FNDC1: variants seen among roughly 807,000 people sequenced by gnomAD.
FNDC1 encodes the protein fibronectin type III domain-containing protein 1.
A neutral mutation model predicts 168.0 loss-of-function variants in FNDC1; 96 were observed. That is an observed-to-expected ratio of 0.57 (90% CI 0.48 to 0.68). The LOEUF (loss-of-function observed/expected upper bound fraction) is 0.68. FNDC1 is among the 30% of genes least tolerant of loss of function. The probability of loss-of-function intolerance (pLI) is 0.00; values close to 1 mark genes in which losing one functional copy is unlikely to be tolerated. For synonymous variants in FNDC1, 1,099 were observed against 1,025.9 expected, an observed-to-expected ratio of 1.07 and a Z score of -1.36; for missense variants, 2,587 against 2,482.1, an observed-to-expected ratio of 1.04 and a Z score of -0.90.
chr6:159,190,191 G>T (rs899761795), intron 1 of FNDC1, among the ~76,000 whole-genome samples: 3 of 152,206 alleles, frequency 2.0e-5, no homozygotes, highest in Non-Finnish European at 4.4e-5. Context: ...TAGGTTGACC[G>T]TTGCACCCAG....
At chr6:159,172,733 T>C (rs895692023) in intron 1 of FNDC1, among the ~76,000 whole-genome samples, 1 of 152,230 alleles carries the variant, frequency 6.6e-6, no homozygotes, top group African/African-American at 2.4e-5. Flanking sequence ...CTTCATATGA[T>C]TTCAGATTCT....
intron 18 of FNDC1, among the ~76,000 whole-genome samples, chr6:159,260,907 A>T (rs559620747): frequency 6.6e-6 from 1 of 152,344 alleles, no homozygotes; most frequent in East Asian, 1.9e-4. Flanking sequence ...GACAGTCCTG[A>T]TGCAAAGGAA....
chr6:159,174,529 G>A (rs1214886035), intron 1 of FNDC1, among the ~76,000 whole-genome samples: 3 of 152,238 alleles, frequency 2.0e-5, no homozygotes, highest in African/African-American at 4.8e-5. Flanking sequence ...CTGTCGCTGC[G>A]GCTTTATAGA....
chr6:159,269,295 TCC>T (rs1562315852), intron 22 of FNDC1, among the ~76,000 whole-genome samples: 27 of 128,998 alleles, frequency 2.1e-4, no homozygotes, highest in Middle Eastern at 4.2e-3. Flanking sequence ...TATCTATCCA[TCC>T]ATCCATCTAT....
intron 18 of FNDC1, among the ~76,000 whole-genome samples, chr6:159,257,173 C>G (rs1777391779): frequency 6.6e-6 from 1 of 152,196 alleles, no homozygotes. Flanking sequence ...ATAGGCAAAA[C>G]TGGTTCCCAG....
chr6:159,171,730 G>T (rs897425087), intron 1 of FNDC1, among the ~76,000 whole-genome samples: 18 of 152,294 alleles, frequency 1.2e-4, no homozygotes, highest in African/African-American at 4.3e-4. Context: ...TTAAAATTAT[G>T]ATGGCCTTGC....
At chr6:159,269,579 CTGT>C (rs1366685454) in intron 22 of FNDC1, among the ~76,000 whole-genome samples, 2 of 108,570 alleles carry the variant, frequency 1.8e-5, no homozygotes, top group African/African-American at 7.9e-5. Context: ...TCTATCCTAT[CTGT>C]CTGTCTGTCT....
intron 1 of FNDC1, among the ~76,000 whole-genome samples, chr6:159,178,614 TTTGTCATTTTAAGAATGTCATATAAA>T (rs1781816604): frequency 6.6e-6 from 1 of 152,154 alleles, no homozygotes; most frequent in Admixed American, 6.5e-5. Flanking sequence ...ATTTTATAAT[TTTGTCATTTTAAGAATGTCATATAAA>T]TGCCGTTCTA....
chr6:159,234,170 G>A lies in FNDC1; in HGVS notation c.3658G>A (p.Ala1220Thr), dbSNP rs754939145. ...CGGCAAAGACGCCGATGGGAGCCTC[G>A]CCAAGGAAGAGAGGGAGCCTGCCAT... The part of the protein sequence containing the change: ...RGGKDADGSL[A>T]KEEREPAIAL... The change falls in exon 11 of 23, where the codon GCC (alanine) becomes ACC (threonine). Residue 1220 changes from alanine to threonine, a missense_variant. Physicochemically the swap from Ala to Thr is moderately conservative, Grantham distance 58. Coordinates refer to ENST00000297267, the MANE Select transcript of FNDC1 (RefSeq NM_032532.3). 3.3e-5 allele frequency: 52 copies of A among 1,598,696 alleles called. No individual in the cohort carries two copies. The highest frequency in any genetic ancestry group is 4.1e-5 in the Non-Finnish European group (48 of 1,173,206).
At chr6:159,209,227 G>C in intron 4 of FNDC1, among the ~76,000 whole-genome samples, 1 of 152,222 alleles carries the variant, frequency 6.6e-6, no homozygotes, top group East Asian at 1.9e-4. Flanking sequence ...TAAAAATGAA[G>C]ATTAGGAATG....
chr6:159,249,315 G>A, intron 16 of FNDC1, 133 bp downstream of exon 16: 1 of 805,382 alleles, frequency 1.2e-6, no homozygotes, highest in Non-Finnish European at 1.9e-6. Flanking sequence ...GTTTCCACTG[G>A]GGATAATTGA....
At chr6:159,183,459 G>T (rs889839635) in intron 1 of FNDC1, among the ~76,000 whole-genome samples, 16 of 152,216 alleles carry the variant, frequency 1.1e-4, no homozygotes, top group East Asian at 7.7e-4. Context: ...CAAGTAGACA[G>T]TTGGACACAC....
intron 11 of FNDC1, 33 bp from the exon 12 acceptor site, chr6:159,236,182 G>C (rs1358550537): frequency 1.3e-6 from 2 of 1,512,110 alleles, no homozygotes; most frequent in Non-Finnish European, 1.8e-6. Context: ...GAATTTACCA[G>C]GCTCTGTTAT....
chr6:159,194,351 G>A (rs1026398041), intron 1 of FNDC1, among the ~76,000 whole-genome samples: 3 of 152,168 alleles, frequency 2.0e-5, no homozygotes, highest in African/African-American at 7.2e-5. Context: ...TTTCTTTAGA[G>A]ACCCAGTGCA....
At chr6:159,264,688 T>A (rs954076425) in intron 19 of FNDC1, among the ~76,000 whole-genome samples, 4 of 152,028 alleles carry the variant, frequency 2.6e-5, no homozygotes, top group African/African-American at 9.7e-5. Context: ...AGGTAGACAA[T>A]TTTTTTAAAT....
chr6:159,223,751 G>T (rs1782896112), intron 7 of FNDC1, 106 bp downstream of exon 7: 1 of 661,618 alleles, frequency 1.5e-6, no homozygotes, highest in African/African-American at 1.8e-5. Context: ...ATGAATGCTG[G>T]TCTCTTTTGT....
At chr6:159,222,237 G>T (rs1782843147) in intron 6 of FNDC1, among the ~76,000 whole-genome samples, 1 of 152,098 alleles carries the variant, frequency 6.6e-6, no homozygotes, top group African/African-American at 2.4e-5. Context: ...CAAATGACAG[G>T]TACCTTTTCT....
At chr6:159,240,055 C>A in intron 14 of FNDC1, 98 bp downstream of exon 14, 1 of 1,148,766 alleles carries the variant, frequency 8.7e-7, no homozygotes, top group South Asian at 2.2e-5. Context: ...GTATGAGCAC[C>A]GTGCACAGCA....
chr6:159,188,816 C>T (rs566514905), intron 1 of FNDC1, among the ~76,000 whole-genome samples: 1 of 147,720 alleles, frequency 6.8e-6, no homozygotes, highest in South Asian at 2.2e-4. Context: ...GGCAAAATCT[C>T]AGCTCACTGC....
Sources: gnomAD v4.1 joint callset for allele counts (sites outside exome capture counted in the v4.1 genomes callset) on GRCh38, gnomAD v4.1.1 for gene constraint, MANE v1.5 for transcripts, NCBI Gene and HGNC (gene_info 2026-07-23, HGNC 2026-07-21) for gene names.